Variants in ARPC4 observed in about 807,000 individuals in gnomAD.
The protein encoded by ARPC4 is actin related protein 2/3 complex subunit 4, also known as actin-related protein 2/3 complex subunit 4.
In ARPC4, 3 loss-of-function variants were observed where a neutral mutation model predicts 22.8. That is an observed-to-expected ratio of 0.13 (90% CI 0.06 to 0.34). The LOEUF (loss-of-function observed/expected upper bound fraction) is 0.34. Ranked by LOEUF, ARPC4 falls within the 10% of genes least tolerant of loss-of-function variation. The pLI is 1.00. For missense variants in ARPC4, 98 were observed against 211.0 expected (o/e 0.46, Z 3.32); for synonymous variants, 80 against 72.5 (o/e 1.10, Z -0.52).
At chr3:9,792,958 C>G (rs1203751892), upstream of ARPC4, 4 of 1,411,212 alleles carry the variant, frequency 2.8e-6, no homozygotes, top group African/African-American at 4.5e-5. Context: ...GGAAAACTTC[C>G]GGAAGGCCCA....
chr3:9,800,314 G>A lies in ARPC4; in HGVS notation c.234+18G>A. On this transcript the variant is annotated intron_variant, in intron 3 of 5. Transcript: ENST00000397261. ...TGAAACAGGTAAGTTCACCATGGAG[G>A]AGGCCCAACGTAAGGCCTCTTTCAG... The A allele has an allele frequency of 6.2e-7, 1 of 1,613,146 alleles. No individual in the cohort carries two copies. The highest frequency in any genetic ancestry group is 8.5e-7 in the Non-Finnish European group (1 of 1,179,336).
At position 9,797,645 on chromosome 3, in the gene ARPC4, G is replaced by C; in HGVS notation, c.4-14G>C. ...GATTTTGATCTTCCCTTTCCTCTGT[G>C]TTATTTCCTATAGACTGCCACTCTC... On this transcript the variant is annotated splice_polypyrimidine_tract_variant and intron_variant, in intron 1 of 5. Transcript: ENST00000397261. 6.2e-7 allele frequency: 1 copy of C among 1,611,132 alleles called. No individual in the cohort carries two copies. The highest frequency in any genetic ancestry group is 8.5e-7 in the Non-Finnish European group (1 of 1,178,046).
rs979768309 is a variant in ARPC4, at chr3:9,806,493, G to A, written c.*278G>A. ...GTCTTGAAACTTAAACTCTGTGCTT[G>A]TAGGATACTGTAACCTTTTTGTCTT... On this transcript the variant is annotated 3_prime_UTR_variant, in exon 6 of 6. Coordinates refer to ENST00000397261, the MANE Select transcript of ARPC4 (RefSeq NM_005718.5). 1.1e-5 allele frequency: 5 copies of A among 475,802 alleles called. No individual in the cohort carries two copies. The Admixed American group carries it at 1.8e-4, about 17-fold the overall frequency. The allele number at this position is 475,802 out of a possible 1,614,324, so 29.5% of individuals were successfully genotyped here. A position where few individuals can be genotyped will look rare whatever the true frequency, so the allele number is the denominator to read the frequency against.
chr3:9,800,093 A>G lies in ARPC4; in HGVS notation c.123-92A>G, dbSNP rs186188103. ...GTGAGTCTTCTATTCCTTGGACTCTATGGTCTCATAGTGATTCCAGGACCT... is the reference window on the plus strand; with the variant it reads ...GTGAGTCTTCTATTCCTTGGACTCTGTGGTCTCATAGTGATTCCAGGACCT... On this transcript the variant is annotated intron_variant, in intron 2 of 5. Coordinates refer to ENST00000397261, the MANE Select transcript of ARPC4 (RefSeq NM_005718.5). The G allele has an allele frequency of 5.0e-5, 63 of 1,270,222 alleles. No individual in the cohort carries two copies. The African/African-American group carries it at 7.7e-4, about 15-fold the overall frequency. 78.7% of individuals were successfully genotyped at this position (1,270,222 alleles called of 1,614,324 possible).
rs1187831591 is a variant in ARPC4 at position 9,806,754 on chromosome 3, G to C, written c.*539G>C. On this transcript the variant is annotated 3_prime_UTR_variant, in exon 6 of 6. Coordinates refer to ENST00000397261, the MANE Select transcript of ARPC4 (RefSeq NM_005718.5). ...TATAAGTGTTGGGAACTCTCTGCCA[G>C]CTTCCTGAGTTCTGCCTAAAGATGG... The C allele has an allele frequency of 6.4e-6, 1 of 156,602 alleles. No homozygotes were observed. The highest frequency in any genetic ancestry group is 1.9e-4 in the East Asian group (1 of 5,258). The allele number at this position is 156,602 out of a possible 1,614,324, so 9.7% of individuals were successfully genotyped here.
intron 5 of ARPC4, 53 bp from the exon 6 acceptor site, chr3:9,806,157 C>A (rs2079102936): frequency 5.0e-6 from 8 of 1,605,182 alleles, no homozygotes; most frequent in Non-Finnish European, 6.8e-6. Flanking sequence ...TAGAGCAGTG[C>A]CACCAGGATG....
intron 2 of ARPC4, 41 bp from the exon 3 acceptor site, chr3:9,800,143 AT>A (rs1559728077): frequency 1.2e-6 from 2 of 1,604,976 alleles, no homozygotes; most frequent in African/African-American, 1.3e-5. Flanking sequence ...TGACTATTCT[AT>A]CCCTCTGTAG....
chr3:9,802,031 G>T (rs893625306), intron 4 of ARPC4, among the ~76,000 whole-genome samples: 1 of 152,006 alleles, frequency 6.6e-6, no homozygotes, highest in African/African-American at 2.4e-5. Flanking sequence ...ATGAGGTCAG[G>T]AGTTCAAGAC....
At chr3:9,801,861 C>T (rs2079016167) in intron 4 of ARPC4, 105 bp downstream of exon 4, 12 of 1,153,444 alleles carry the variant, frequency 1.0e-5, no homozygotes, top group Non-Finnish European at 1.4e-5. Flanking sequence ...CACCCACTGC[C>T]TGAATTGAGA....
In ARPC4 at chr3:9,806,053, C is replaced by A. The variant is rs79565520; in HGVS notation, c.502-157C>A. On this transcript the variant is annotated intron_variant, in intron 5 of 5. Transcript: ENST00000397261. ...CCCATAGGTCACTTCTGAAAGCTGG[C>A]TGAATTAGAGCATGACCACAAGGTG... Among the ~76,000 whole-genome samples the A allele has an allele frequency of 9.6e-3, 1,460 of 152,350 alleles. 12 individuals are homozygous for A. Among genetic ancestry groups the A allele is most frequent in the Non-Finnish European group, 0.014 (973 of 68,038 alleles).
chr3:9,797,875 G>T, intron 2 of ARPC4, 98 bp downstream of exon 2: 1 of 1,236,020 alleles, frequency 8.1e-7, no homozygotes. Flanking sequence ...CAGTAGTCAG[G>T]AAAGCTGCAG....
At chr3:9,792,623 G>A (rs1247841728), upstream of ARPC4, 44 of 1,231,210 alleles carry the variant, frequency 3.6e-5, no homozygotes, top group Admixed American at 4.2e-5. Context: ...CGAGCCCCGG[G>A]GCACAGCCCG....
intron 3 of ARPC4, among the ~76,000 whole-genome samples, chr3:9,800,981 C>T (rs1178338035): frequency 6.6e-6 from 1 of 151,826 alleles, no homozygotes; most frequent in Non-Finnish European, 1.5e-5. Context: ...GAGACCAAGG[C>T]GGGTGGATCA....
At chr3:9,803,727 A>T in intron 4 of ARPC4, 116 bp from the exon 5 acceptor site, 1 of 1,182,390 alleles carries the variant, frequency 8.5e-7, no homozygotes, top group Non-Finnish European at 1.2e-6. Flanking sequence ...TTGGGAGAAG[A>T]TCACAGCCAG....
chr3:9,802,461 C>T (rs1183204), intron 4 of ARPC4, among the ~76,000 whole-genome samples: 4 of 150,616 alleles, frequency 2.7e-5, no homozygotes, highest in Non-Finnish European at 4.4e-5. Flanking sequence ...CTGCAAGCTC[C>T]GCCTCCCGGG....
chr3:9,801,499 T>G (rs1290079607), intron 3 of ARPC4, among the ~76,000 whole-genome samples, 162 bp from the exon 4 acceptor site: 3 of 152,188 alleles, frequency 2.0e-5, no homozygotes, highest in African/African-American at 7.2e-5. Flanking sequence ...GACCCTTGTT[T>G]CAGTTGACAG....
At chr3:9,801,430 A>G (rs2079008663) in intron 3 of ARPC4, among the ~76,000 whole-genome samples, 1 of 152,084 alleles carries the variant, frequency 6.6e-6, no homozygotes, top group African/African-American at 2.4e-5. Context: ...AAGAAGCAAT[A>G]GAAGCCTGTC....
rs753926797 is a variant in ARPC4, at chr3:9,806,248, CA to C, written c.*34del. ...GGCTGGATCTCGTGGCCTTCCCCCTCAGACTACCCATGTCTCCACGAAGGCG... is the reference window on the plus strand; with the variant it reads ...GGCTGGATCTCGTGGCCTTCCCCCTCGACTACCCATGTCTCCACGAAGGCG... On this transcript the variant is annotated 3_prime_UTR_variant, in exon 6 of 6. Coordinates refer to ENST00000397261, the MANE Select transcript of ARPC4 (RefSeq NM_005718.5). The C allele has an allele frequency of 2.5e-6, 4 of 1,611,174 alleles. No individual in the cohort carries two copies. Among genetic ancestry groups the C allele is most frequent in the Non-Finnish European group, 3.4e-6 (4 of 1,177,302 alleles).
intron 2 of ARPC4, among the ~76,000 whole-genome samples, chr3:9,798,600 G>T (rs2078944645): frequency 6.6e-6 from 1 of 151,894 alleles, no homozygotes; most frequent in Non-Finnish European, 1.5e-5. Flanking sequence ...AATAGGCCGG[G>T]CACAGTGGCT....
Sources: allele counts gnomAD v4.1 joint callset (sites outside exome capture counted in the v4.1 genomes callset), GRCh38; gene constraint gnomAD v4.1.1; transcripts MANE v1.5; gene names NCBI Gene and HGNC (gene_info 2026-07-23, HGNC 2026-07-21).